MAGOH: variants seen among roughly 807,000 people sequenced by gnomAD.
MAGOH encodes the protein mago homolog, exon junction complex subunit.
MAGOH carries 3 observed loss-of-function variants against 20.9 expected under a neutral mutation model. That is an observed-to-expected ratio of 0.14 (90% CI 0.07 to 0.37). The LOEUF (loss-of-function observed/expected upper bound fraction) is 0.37, where lower values mean the gene tolerates loss of function less well. Among genes scored for constraint, MAGOH ranks in the 10% least tolerant of loss-of-function variants. MAGOH has a pLI of 1.00. For synonymous variants in MAGOH, 51 were observed against 61.0 expected (o/e 0.84, Z 0.76); for missense variants, 66 against 178.1 (o/e 0.37, Z 3.58).
chr1:53,227,214 G>T lies in MAGOH; in HGVS notation c.342-70C>A. 4 of 753,966 alleles carry T rather than the reference G, an allele frequency of 5.3e-6. No individual in the cohort carries two copies. In the South Asian group the frequency reaches 5.7e-5, roughly 11 times the overall value. The allele number at this position is 753,966 out of a possible 1,614,324, so 46.7% of individuals were successfully genotyped here. A position where few individuals can be genotyped will look rare whatever the true frequency, so the allele number is the denominator to read the frequency against. On this transcript the variant is annotated intron_variant, in intron 4 of 4. Coordinates refer to ENST00000371470, the MANE Select transcript of MAGOH (RefSeq NM_002370.4). ...CATCAAGTGTCCCTAAAAAGGAAAA[G>T]ACTATATATTAAAACGGTATATTAT...
In MAGOH at chr1:53,235,645, C is replaced by CAAAAAAAAAA; in HGVS notation, c.89-11_89-10insTTTTTTTTTT. 6.2e-7 allele frequency: 1 copy of CAAAAAAAAAA among 1,608,960 alleles called. No homozygotes were observed. The highest frequency in any genetic ancestry group is 8.5e-7 in the Non-Finnish European group (1 of 1,176,946). ...GCATATCTTAACTTCCCTGTGGGGG[C>CAAAAAAAAAA]AAAAAACAATTTCAACGTATAATAA... On this transcript the variant is annotated splice_polypyrimidine_tract_variant and intron_variant, in intron 1 of 4. Coordinates refer to ENST00000371470, the MANE Select transcript of MAGOH (RefSeq NM_002370.4).
At chr1:53,229,477 C>T (rs1268569267) in intron 3 of MAGOH, among the ~76,000 whole-genome samples, 1 of 152,212 alleles carries the variant, frequency 6.6e-6, no homozygotes, top group Non-Finnish European at 1.5e-5. Context: ...TGGTCTCGAA[C>T]TCCTGACCTC....
intron 3 of MAGOH, among the ~76,000 whole-genome samples, chr1:53,230,851 C>T (rs1389151051): frequency 6.6e-6 from 1 of 152,198 alleles, no homozygotes; most frequent in African/African-American, 2.4e-5. Flanking sequence ...TTACACAGAT[C>T]TAGCTCATTA....
At position 53,228,965 on chromosome 1, in the gene MAGOH, T is replaced by G; in HGVS notation, c.259-11A>C. 1 of 1,592,700 alleles carries G rather than the reference T, an allele frequency of 6.3e-7. No individual in the cohort carries two copies. Among genetic ancestry groups the G allele is most frequent in the South Asian group, 1.1e-5 (1 of 90,596 alleles). On this transcript the variant is annotated splice_polypyrimidine_tract_variant and intron_variant, in intron 3 of 4. Transcript: ENST00000371470. ...GACGATTTCAAGCTCCTAGAAACATTTTAGAAAATCGAAGTCAAGTAGAAT... is the reference window on the plus strand; with the variant it reads ...GACGATTTCAAGCTCCTAGAAACATGTTAGAAAATCGAAGTCAAGTAGAAT...
chr1:53,235,012 T>C (rs1037405696), intron 2 of MAGOH, among the ~76,000 whole-genome samples: 57 of 152,178 alleles, frequency 3.7e-4, no homozygotes, highest in African/African-American at 1.3e-3. Context: ...TATTTTCTTA[T>C]TTGTAAGGGG....
chr1:53,234,419 G>A (rs146816639), intron 2 of MAGOH, among the ~76,000 whole-genome samples: 4,225 of 149,778 alleles, frequency 0.028, 85 homozygotes, highest in Middle Eastern at 0.082. Flanking sequence ...TGTCGCCCAG[G>A]CTGGAGTGCA....
At chr1:53,229,053 A>G (rs1045824626) in intron 3 of MAGOH, 99 bp from the exon 4 acceptor site, 1 of 778,372 alleles carries the variant, frequency 1.3e-6, no homozygotes, top group Non-Finnish European at 2.2e-6. Flanking sequence ...ACTTGACTAC[A>G]GATGGCCACA....
chr1:53,229,516 G>A (rs1645576087), intron 3 of MAGOH, among the ~76,000 whole-genome samples: 1 of 152,184 alleles, frequency 6.6e-6, no homozygotes, highest in Admixed American at 6.5e-5. Flanking sequence ...AGCCTCTCAA[G>A]TGCTGGGATT....
rs768132507 is a variant in MAGOH at position 53,238,349 on chromosome 1, GGCT to G, written c.88+9_88+11del. On this transcript the variant is annotated intron_variant, in intron 1 of 4. Coordinates refer to ENST00000371470, the MANE Select transcript of MAGOH (RefSeq NM_002370.4). ...TGGTCCCCGCTCCCGGCGGGCGGCAGGCTGCTTTTACCGTCCGGTCGAAACTCA... is the reference window on the plus strand; with the variant it reads ...TGGTCCCCGCTCCCGGCGGGCGGCAGGCTTTTACCGTCCGGTCGAAACTCA... 11 of 1,613,876 alleles carry G rather than the reference GGCT, an allele frequency of 6.8e-6. No homozygotes were observed. In the Admixed American group the frequency reaches 1.2e-4, roughly 17 times the overall value.
chr1:53,227,105 C>T lies in MAGOH; in HGVS notation c.381G>A (p.Gln127=), dbSNP rs779201445. 3.4e-5 allele frequency: 55 copies of T among 1,598,852 alleles called. No homozygotes were observed. The South Asian group carries it at 5.6e-4, about 16-fold the overall frequency. The change falls in exon 5 of 5, where the codon CAG becomes CAA. Residue 127 remains glutamine (Q), a synonymous_variant. Coordinates refer to ENST00000371470, the MANE Select transcript of MAGOH (RefSeq NM_002370.4). The part of the protein sequence containing the change: ...EGLRVFYYLV[Q]DLKCLVFSLI... ...GACTGAAGACCAAACACTTCAGGTC[C>T]TGGACAAGATAATAAAATACTCGTA...
At chr1:53,236,159 G>A (rs1271327576) in intron 1 of MAGOH, among the ~76,000 whole-genome samples, 1 of 152,160 alleles carries the variant, frequency 6.6e-6, no homozygotes, top group African/African-American at 2.4e-5. Flanking sequence ...ATTAATGGTG[G>A]GGATGAGGAG....
intron 4 of MAGOH, among the ~76,000 whole-genome samples, chr1:53,228,060 C>G (rs1645568925): frequency 6.6e-6 from 1 of 152,174 alleles, no homozygotes; most frequent in South Asian, 2.1e-4. Context: ...CATGCCTCAA[C>G]TTGATAATCT....
rs1645606874 is a variant in MAGOH at position 53,235,604 on chromosome 1, G to A, written c.120C>T (p.Tyr40=). The A allele has an allele frequency of 6.2e-7, 1 of 1,613,892 alleles. No homozygotes were observed. Among genetic ancestry groups the A allele is most frequent in the African/African-American group, 1.3e-5 (1 of 74,930 alleles). ...GKLRYANNSN[Y]KNDVMIRKEA... is the part of the protein sequence containing the mutation. The stretch of plus-strand genomic sequence containing the variant: ...CTTTTCTGATCATGACATCATTCTT[G>A]TAATTGCTGTTGTTGGCATATCTTA... The change falls in exon 2 of 5, where the codon TAC becomes TAT. Residue 40 remains tyrosine, a synonymous_variant. Coordinates refer to ENST00000371470, the MANE Select transcript of MAGOH (RefSeq NM_002370.4).
At chr1:53,237,845 C>CTGCA (rs759110128) in intron 1 of MAGOH, among the ~76,000 whole-genome samples, 1 of 152,066 alleles carries the variant, frequency 6.6e-6, no homozygotes, top group Non-Finnish European at 1.5e-5. Context: ...CATTCCCGCC[C>CTGCA]TGCAGCCTTG....
chr1:53,237,838 T>C (rs1364144925), intron 1 of MAGOH, among the ~76,000 whole-genome samples: 1 of 152,014 alleles, frequency 6.6e-6, no homozygotes, highest in Non-Finnish European at 1.5e-5. Flanking sequence ...CCTAGCTCAT[T>C]CCCGCCCTGC....
At chr1:53,238,328 C>T (rs759141309) in intron 1 of MAGOH, 33 bp downstream of exon 1, 5 of 1,610,262 alleles carry the variant, frequency 3.1e-6, no homozygotes, top group South Asian at 1.1e-5. Flanking sequence ...CAGGCCTGGT[C>T]CCCGCTCCCG....
At chr1:53,232,345 G>C (rs1387747575) in intron 3 of MAGOH, among the ~76,000 whole-genome samples, 2 of 152,048 alleles carry the variant, frequency 1.3e-5, no homozygotes, top group African/African-American at 4.8e-5. Context: ...TTAGTCACTA[G>C]AGATACAGCA....
At chr1:53,232,612 A>T (rs2100305117) in intron 3 of MAGOH, among the ~76,000 whole-genome samples, 1 of 152,330 alleles carries the variant, frequency 6.6e-6, no homozygotes, top group East Asian at 1.9e-4. Context: ...TTTTAGGCGG[A>T]ATGTGGCAAG....
chr1:53,229,033 A>C (rs921405600), intron 3 of MAGOH, 79 bp from the exon 4 acceptor site: 3 of 983,378 alleles, frequency 3.1e-6, no homozygotes, highest in Non-Finnish European at 3.2e-6. Flanking sequence ...TCATTTGCCA[A>C]ATCACACAAA....
Sources: gnomAD v4.1 joint callset for allele counts (sites outside exome capture counted in the v4.1 genomes callset) on GRCh38, gnomAD v4.1.1 for gene constraint, MANE v1.5 for transcripts, NCBI Gene and HGNC (gene_info 2026-07-23, HGNC 2026-07-21) for gene names.